The following C4orf50 variants were observed in gnomAD, a reference collection of about 807,000 sequenced individuals.
C4orf50 encodes uncharacterized protein C4orf50.
Under a neutral mutation model 77.2 loss-of-function variants are expected in C4orf50, and 80 were observed. The ratio of observed to expected loss-of-function variants is 1.04; its 90% CI spans 0.87 to 1.25. C4orf50 has a LOEUF of 1.25. C4orf50 is among the 50% of genes most tolerant of loss of function. The pLI, the probability that C4orf50 is intolerant of heterozygous loss-of-function variation, is 0.00. For missense variants in C4orf50, 1,257 were observed against 1,152.9 expected (o/e 1.09, Z -1.31); for synonymous variants, 532 against 465.3 (o/e 1.14, Z -1.84).
chr4:5,971,482 A>AT (rs11325190), intron 31 of C4orf50, among the ~76,000 whole-genome samples: 30 of 148,284 alleles, frequency 2.0e-4, no homozygotes, highest in South Asian at 6.4e-4. Context: ...ACACATCACA[A>AT]TTTTTTTTTT....
In C4orf50 at chr4:6,018,136, C is replaced by A; in HGVS notation, c.287+9G>T. 1 of 398,744 alleles carries A rather than the reference C, an allele frequency of 2.5e-6. No individual in the cohort carries two copies. Among genetic ancestry groups the A allele is most frequent in the Non-Finnish European group, 4.4e-6 (1 of 226,070 alleles). The allele number at this position is 398,744 out of a possible 1,614,324, so 24.7% of individuals were successfully genotyped here. ...AATACACACAGAGAGATCAAAATGGCATCGCTACCTGCTTCTCAGCCCGGA... is the reference window on the plus strand; with the variant it reads ...AATACACACAGAGAGATCAAAATGGAATCGCTACCTGCTTCTCAGCCCGGA... On this transcript the variant is annotated intron_variant, in intron 23 of 33. Transcript: ENST00000531445. The surrounding 1 kb of genome is among the most constrained non-coding windows in gnomAD (Gnocchi z 5.1).
At position 5,958,998 on chromosome 4, in the gene C4orf50, AC is replaced by A. The variant is rs1719121122; in HGVS notation, c.*376del. The A allele has an allele frequency of 4.7e-6, 1 of 213,150 alleles. No homozygotes were observed. Among genetic ancestry groups the A allele is most frequent in the African/African-American group, 2.3e-5 (1 of 43,986 alleles). The allele number at this position is 213,150 out of a possible 1,614,324, so 13.2% of individuals were successfully genotyped here. ...ACATTTCATAGCATCCCTGGCCTCT[AC>A]CCACCAGATGCCAGTAGCAGTGTCC... is the stretch of plus-strand genomic sequence containing the variant. On this transcript the variant is annotated 3_prime_UTR_variant, in exon 34 of 34. Coordinates refer to ENST00000531445, the Ensembl canonical transcript of C4orf50. The surrounding 1 kb of genome is among the most constrained non-coding windows in gnomAD (Gnocchi z 5.4).
At chr4:5,898,933 C>G (rs1009810631) in intron 7 of C4orf50, 2 of 152,190 alleles carry the variant, frequency 1.3e-5, no homozygotes, top group African/African-American at 2.4e-5. Context: ...ACTAAAAATG[C>G]AGAAGTCAGA....
intron 31 of C4orf50, 130 bp from the exon 10 acceptor site, chr4:5,967,592 A>C (rs1577943615): frequency 2.2e-5 from 16 of 740,360 alleles, no homozygotes; most frequent in South Asian, 3.0e-5. Context: ...TGTAGGACCA[A>C]CCCTGCCTGT....
At position 5,988,712 on chromosome 4, in the gene C4orf50, C is replaced by T. The variant is rs76676396; in HGVS notation, c.3334G>A (p.Gly1112Arg). ...TGCTCCCTTCCCCTCACCAAACGCCCCTGATCCGTGCTCCTCTGCAAGGTG... is the reference window on the plus strand; with the variant it reads ...TGCTCCCTTCCCCTCACCAAACGCCTCTGATCCGTGCTCCTCTGCAAGGTG... The change falls in exon 28 of 34, where the codon GGG (glycine) becomes AGG (arginine). Residue 1112 changes from glycine to arginine, a missense_variant. Physicochemically the swap from Gly to Arg is moderately radical, Grantham distance 125 (BLOSUM62 -2). Coordinates refer to ENST00000531445, the Ensembl canonical transcript of C4orf50. The T allele has an allele frequency of 1.9e-3, 2,859 of 1,536,130 alleles. 44 individuals are homozygous for T. In the African/African-American group the frequency reaches 0.035, roughly 19 times the overall value.
intron 27 of C4orf50, among the ~76,000 whole-genome samples, chr4:5,991,173 C>G (rs28631797): frequency 6.6e-6 from 1 of 152,192 alleles, no homozygotes; most frequent in African/African-American, 2.4e-5. Flanking sequence ...GCCCTCACAC[C>G]ATATTATATA....
At chr4:5,971,406 A>G (rs1719903339) in intron 31 of C4orf50, among the ~76,000 whole-genome samples, 1 of 152,122 alleles carries the variant, frequency 6.6e-6, no homozygotes, top group Non-Finnish European at 1.5e-5. Context: ...CCATCAGCCC[A>G]GCCTCCCCCG....
rs116545033 is a variant in C4orf50, at chr4:6,000,124, C to T, written c.964-5648G>A. ...GTTGTCCAGAGCAAGGTGCTGAAGA[C>T]CTGCGTGTGGCTCTCGGTCCTCCTG... On this transcript the variant is annotated intron_variant, in intron 25 of 33. Transcript: ENST00000531445. This position sits in a 1 kb window ranked among gnomAD's most constrained non-coding sequence, Gnocchi z 6.0. Among the ~76,000 whole-genome samples the T allele has an allele frequency of 5.4e-3, 827 of 152,266 alleles. 11 individuals are homozygous for T. The highest frequency in any genetic ancestry group is 0.019 in the African/African-American group (784 of 41,540).
At chr4:5,902,145 C>G (rs1200325806) in intron 7 of C4orf50, 1 of 152,222 alleles carries the variant, frequency 6.6e-6, no homozygotes, top group Non-Finnish European at 1.5e-5. Context: ...CTGGAAACCA[C>G]ACTTTTCCTT....
intron 32 of C4orf50, among the ~76,000 whole-genome samples, chr4:5,966,306 T>G (rs902675292): frequency 1.3e-5 from 2 of 151,878 alleles, no homozygotes; most frequent in Non-Finnish European, 2.9e-5. Context: ...AGAAACCCTG[T>G]CTCTACAAAA....
intron 33 of C4orf50, among the ~76,000 whole-genome samples, chr4:5,960,075 A>G (rs1487433924): frequency 6.6e-6 from 1 of 152,218 alleles, no homozygotes; most frequent in East Asian, 1.9e-4. Context: ...ACTTGCCTTC[A>G]CTTAGTTCCT....
chr4:5,989,190 C>T, exon 28 of C4orf50: 1 of 1,536,086 alleles, frequency 6.5e-7, no homozygotes. Flanking sequence ...CATGGAACCT[C>T]TCTTGGTCTC....
Position 6,008,508 on chromosome 4 carries a change from G to T in C4orf50, c.451C>A (p.Arg151=), listed in dbSNP as rs147047112. 211 of 398,100 alleles carry T rather than the reference G, an allele frequency of 5.3e-4. No individual in the cohort carries two copies. In the East Asian group the frequency reaches 7.3e-3, roughly 14 times the overall value. 24.7% of individuals were successfully genotyped at this position (398,100 alleles called of 1,614,324 possible). Residue 151 remains arginine (R), a synonymous_variant, in exon 25 of 34, where the codon CGG becomes AGG. Transcript: ENST00000531445. The surrounding 1 kb of genome is among the most constrained non-coding windows in gnomAD (Gnocchi z 6.0). Reference sequence around the variant, plus strand: ...AACCGCCGCAGCCGCCACTGCTGCCGCCTGGCCACGCTCTCCTCCCGGATC... The same window carrying T: ...AACCGCCGCAGCCGCCACTGCTGCCTCCTGGCCACGCTCTCCTCCCGGATC...
chr4:5,906,749 T>C (rs1160461436), intron 7 of C4orf50, among the ~76,000 whole-genome samples: 2 of 152,220 alleles, frequency 1.3e-5, no homozygotes, highest in East Asian at 3.9e-4. Flanking sequence ...ACTCAGGGCA[T>C]TGTTCGTGTA....
chr4:6,008,016 G>C lies in C4orf50; in HGVS notation c.943C>G (p.Pro315Ala), dbSNP rs1214860514. 6 of 399,124 alleles carry C rather than the reference G, an allele frequency of 1.5e-5. No individual in the cohort carries two copies. The Admixed American group carries it at 2.6e-4, about 18-fold the overall frequency. 24.7% of individuals were successfully genotyped at this position (399,124 alleles called of 1,614,324 possible). ...CTTACCAGGCTGCAGTGACCAATAG[G>C]GGCCTGGGCTCCCAGCTCCTCTCGC... The change falls in exon 25 of 34, where the codon CCT becomes GCT. Residue 315 changes from proline (P) to alanine (A), a missense_variant. Coordinates refer to ENST00000531445, the Ensembl canonical transcript of C4orf50. This position sits in a 1 kb window ranked among gnomAD's most constrained non-coding sequence, Gnocchi z 6.0.
At chr4:5,934,016 C>T (rs1036402510) in intron 7 of C4orf50, among the ~76,000 whole-genome samples, 1 of 152,084 alleles carries the variant, frequency 6.6e-6, no homozygotes, top group Non-Finnish European at 1.5e-5. Flanking sequence ...AATCACCTCC[C>T]TACTCTTTTC....
In C4orf50 at chr4:5,932,558, C is replaced by T. The variant is rs917896612; in HGVS notation, c.*2474+24343G>A. ...TCAATTGATCCTCCCGCCTCAGCCT[C>T]CTGAGTAGCTGCAACTACAGGTGCA... is the stretch of plus-strand genomic sequence containing the variant. On this transcript the variant is annotated intron_variant, in intron 7 of 7. Coordinates refer to the C4orf50 transcript ENST00000324058. The surrounding 1 kb of genome is among the most constrained non-coding windows in gnomAD (Gnocchi z 4.2). Among the ~76,000 whole-genome samples, 20 of 152,214 alleles carry T rather than the reference C, an allele frequency of 1.3e-4. No individual in the cohort carries two copies. The highest frequency in any genetic ancestry group is 4.3e-4 in the African/African-American group (18 of 41,452).
chr4:5,946,944 C>A (rs974680086), intron 7 of C4orf50, among the ~76,000 whole-genome samples: 2 of 152,174 alleles, frequency 1.3e-5, no homozygotes, highest in Non-Finnish European at 2.9e-5. Context: ...CATATAACAA[C>A]GTGGGAGGTG....
chr4:5,914,497 C>T (rs1287895198), intron 7 of C4orf50, among the ~76,000 whole-genome samples: 4 of 152,106 alleles, frequency 2.6e-5, no homozygotes, highest in African/African-American at 9.7e-5. Flanking sequence ...AGCCACCGCG[C>T]CTGGCCTTTT....
Sources: gnomAD v4.1 joint callset for allele counts (sites outside exome capture counted in the v4.1 genomes callset) on GRCh38, gnomAD v4.1.1 for gene constraint, Gnocchi (gnomAD v3.1) non-coding constraint, MANE v1.5 for transcripts, NCBI Gene and HGNC (gene_info 2026-07-23, HGNC 2026-07-21) for gene names.